Variants in STK10 observed in about 807,000 individuals in gnomAD.
STK10 encodes the protein serine/threonine kinase 10, also known as serine/threonine-protein kinase 10.
Under a neutral mutation model 113.8 loss-of-function variants are expected in STK10, and 78 were observed. The ratio of observed to expected loss-of-function variants is 0.69; its 90% CI spans 0.57 to 0.83. The LOEUF (loss-of-function observed/expected upper bound fraction) is 0.83. STK10 is among the 40% of genes least tolerant of loss of function. The pLI, the probability that STK10 is intolerant of heterozygous loss-of-function variation, is 0.00. For synonymous variants in STK10, 465 were observed against 494.7 expected, an observed-to-expected ratio of 0.94 and a Z score of 0.80; for missense variants, 1,109 against 1,280.1, an observed-to-expected ratio of 0.87 and a Z score of 2.04.
chr5:172,140,808 C>T (rs1456726740), intron 2 of STK10, among the ~76,000 whole-genome samples: 2 of 152,164 alleles, frequency 1.3e-5, no homozygotes, highest in African/African-American at 2.4e-5. Context: ...GAAGAGATAC[C>T]TGCACCCCCA....
At chr5:172,090,760 C>A (rs554197650) in intron 9 of STK10, among the ~76,000 whole-genome samples, 6 of 151,816 alleles carry the variant, frequency 4.0e-5, no homozygotes, top group Non-Finnish European at 8.8e-5. Flanking sequence ...CACAGTGAAA[C>A]CCTGTCTCTA....
chr5:172,146,356 C>T (rs1434583361), intron 2 of STK10, among the ~76,000 whole-genome samples: 2 of 152,160 alleles, frequency 1.3e-5, no homozygotes, highest in Non-Finnish European at 2.9e-5. Flanking sequence ...ATTATCATGA[C>T]GGGGACAGAG....
intron 2 of STK10, among the ~76,000 whole-genome samples, chr5:172,141,347 C>A (rs368521573): frequency 6.6e-6 from 1 of 151,968 alleles, no homozygotes; most frequent in Non-Finnish European, 1.5e-5. Flanking sequence ...GAGGCCGAGG[C>A]GGGAAGATTG....
chr5:172,066,474 T>C lies in STK10; in HGVS notation c.1990-1662A>G, dbSNP rs892205043. 2.0e-5 allele frequency among the ~76,000 whole-genome samples: 3 copies of C among 152,298 alleles called. No homozygotes were observed. In the East Asian group the frequency reaches 5.8e-4, roughly 29 times the overall value. On this transcript the variant is annotated intron_variant, in intron 12 of 18. Coordinates refer to ENST00000176763, the MANE Select transcript of STK10 (RefSeq NM_005990.4). ...AGAGGCCTGTGCAGTCCAGTGAGTA[T>C]GGGATGAATCCCAAAGAGAAGGGCA...
rs1767473113 is a variant in STK10, at chr5:172,045,340, G to C, written c.2767-318C>G. The C allele has an allele frequency of 9.6e-6, 5 of 522,936 alleles. No homozygotes were observed. In the East Asian group the frequency reaches 2.4e-4, roughly 25 times the overall value. 32.4% of individuals were successfully genotyped at this position (522,936 alleles called of 1,614,324 possible). A position where few individuals can be genotyped will look rare whatever the true frequency, so the allele number is the denominator to read the frequency against. On this transcript the variant is annotated intron_variant, in intron 18 of 18. Coordinates refer to ENST00000176763, the MANE Select transcript of STK10 (RefSeq NM_005990.4). ...GCAGGAAAACAGCCAAATGACTGGA[G>C]AAAAACCCGAGGGAGAAGATGGAGA...
At chr5:172,174,281 T>C (rs7707286) in intron 1 of STK10, among the ~76,000 whole-genome samples, 64,018 of 151,994 alleles carry the variant, frequency 0.42, 15,881 homozygotes, top group African/African-American at 0.7. Flanking sequence ...AAGCTATTCT[T>C]CTGCCTCAGC....
intron 1 of STK10, among the ~76,000 whole-genome samples, chr5:172,168,554 C>A (rs1358009811): frequency 6.6e-6 from 1 of 152,124 alleles, no homozygotes. Flanking sequence ...TCCTTGCGGG[C>A]TCAGGATGAA....
In STK10 at chr5:172,126,597, T is replaced by A. The variant is rs1769624625; in HGVS notation, c.370+776A>T. On this transcript the variant is annotated intron_variant, in intron 3 of 18. Transcript: ENST00000176763. ...ATAAATAAAATACTCTTCCTGATTT[T>A]ATACCTGAGGATTAGAGGAGGACCG... is the stretch of plus-strand genomic sequence containing the variant. Among the ~76,000 whole-genome samples the A allele has an allele frequency of 2.0e-5, 3 of 152,240 alleles. 1 individual carries two copies. In the South Asian group the frequency reaches 6.2e-4, roughly 32 times the overall value.
In STK10 at chr5:172,095,393, C is replaced by T. The variant is rs188390263; in HGVS notation, c.1005+1033G>A. Among the ~76,000 whole-genome samples the T allele has an allele frequency of 1.2e-3, 179 of 152,298 alleles. 2 individuals are homozygous for T. The highest frequency in any genetic ancestry group is 4.1e-3 in the African/African-American group (172 of 41,566). On this transcript the variant is annotated intron_variant, in intron 8 of 18. Transcript: ENST00000176763. The stretch of plus-strand genomic sequence containing the variant: ...TGCAGACAATGAGGCCAGGTGTGAG[C>T]GCTTTCTACCTCCTCCTGGAGCCAG...
At position 172,043,335 on chromosome 5, in the gene STK10, G is replaced by C. The variant is rs1430109259; in HGVS notation, c.*1547C>G. 1 of 152,112 alleles carries C rather than the reference G, an allele frequency of 6.6e-6. No individual in the cohort carries two copies. Among genetic ancestry groups the C allele is most frequent in the South Asian group, 2.1e-4 (1 of 4,830 alleles). 9.4% of individuals were successfully genotyped at this position (152,112 alleles called of 1,614,324 possible). On this transcript the variant is annotated 3_prime_UTR_variant, in exon 19 of 19. Transcript: ENST00000176763. ...GTCTCGAACTCCTCACCTCAGGTGA[G>C]TCACCATGCCCGGCCTAAAAATAAA...
chr5:172,181,790 G>A (rs1229686385), intron 1 of STK10, among the ~76,000 whole-genome samples: 1 of 151,836 alleles, frequency 6.6e-6, no homozygotes, highest in Admixed American at 6.6e-5. Flanking sequence ...CAGCCTGGGT[G>A]ACAGAGCAAG....
chr5:172,160,084 C>T (rs945881268), intron 1 of STK10, among the ~76,000 whole-genome samples: 7 of 151,320 alleles, frequency 4.6e-5, no homozygotes, highest in Non-Finnish European at 1.0e-4. Flanking sequence ...TGCAGTGAGC[C>T]GAGATTGCAC....
At chr5:172,123,388 G>A (rs1302816827) in intron 3 of STK10, among the ~76,000 whole-genome samples, 2 of 152,216 alleles carry the variant, frequency 1.3e-5, no homozygotes, top group Non-Finnish European at 2.9e-5. Flanking sequence ...GGACCACGAG[G>A]AGAACTGGGA....
rs559526325 is a variant in STK10 at position 172,120,554 on chromosome 5, G to A, written c.371-2924C>T. Among the ~76,000 whole-genome samples the A allele has an allele frequency of 1.1e-4, 17 of 152,196 alleles. No homozygotes were observed. The highest frequency in any genetic ancestry group is 7.8e-4 in the Admixed American group (12 of 15,292). On this transcript the variant is annotated intron_variant, in intron 3 of 18. Transcript: ENST00000176763. The surrounding 1 kb of genome is among the most constrained non-coding windows in gnomAD (Gnocchi z 4.0). ...CTTCAGGACCACACAGACCGAGGCC[G>A]TACCCAGGTGCTGCCTCTCACTAGC...
chr5:172,167,756 C>T (rs1042195658), intron 1 of STK10, among the ~76,000 whole-genome samples: 1 of 152,218 alleles, frequency 6.6e-6, no homozygotes, highest in Non-Finnish European at 1.5e-5. Context: ...TCACGTGCCA[C>T]CACACTGTGG....
At chr5:172,087,006 T>C (rs1401274262) in intron 10 of STK10, among the ~76,000 whole-genome samples, 11 of 152,020 alleles carry the variant, frequency 7.2e-5, no homozygotes, top group African/African-American at 2.7e-4. Context: ...AGGTTGAAAC[T>C]CAGAGTCCAG....
intron 12 of STK10, among the ~76,000 whole-genome samples, chr5:172,073,673 G>A (rs578038322): frequency 6.6e-5 from 10 of 151,680 alleles, no homozygotes; most frequent in South Asian, 2.1e-4. Context: ...AAGGCCGGGA[G>A]CAGTGGCTCA....
chr5:172,048,629 A>G (rs1056716236), intron 18 of STK10, among the ~76,000 whole-genome samples: 6 of 144,306 alleles, frequency 4.2e-5, no homozygotes, highest in African/African-American at 1.7e-4. Context: ...AGTTCAAGAT[A>G]CCACCCTAGT....
chr5:172,186,239 G>A (rs868660366), intron 1 of STK10, among the ~76,000 whole-genome samples: 30 of 151,950 alleles, frequency 2.0e-4, no homozygotes, highest in Middle Eastern at 6.9e-3. Flanking sequence ...TCAAACCACC[G>A]CACTCCAGCT....
Sources: allele counts gnomAD v4.1 joint callset (sites outside exome capture counted in the v4.1 genomes callset), GRCh38; gene constraint gnomAD v4.1.1; non-coding constraint Gnocchi (gnomAD v3.1); transcripts MANE v1.5; gene names NCBI Gene and HGNC (gene_info 2026-07-23, HGNC 2026-07-21).